Variants in TBC1D22A observed in about 807,000 individuals in gnomAD.
TBC1D22A encodes the protein putative GTPase activator.
A neutral mutation model predicts 60.2 loss-of-function variants in TBC1D22A; 38 were observed. The ratio of observed to expected loss-of-function variants is 0.63; its 90% CI spans 0.49 to 0.83. The LOEUF (loss-of-function observed/expected upper bound fraction) is 0.83, where lower values mean the gene tolerates loss of function less well. TBC1D22A is among the 40% of genes least tolerant of loss of function. The pLI, the probability that TBC1D22A is intolerant of heterozygous loss-of-function variation, is 0.00. For missense variants in TBC1D22A, 628 were observed against 701.0 expected (o/e 0.90, Z 1.18); for synonymous variants, 302 against 281.7 (o/e 1.07, Z -0.72).
At position 47,110,309 on chromosome 22, in the gene TBC1D22A, G is replaced by A. The variant is rs534459715; in HGVS notation, c.1330-1199G>A. ...AGCCTGGCCAACATGGTGAAACCCC[G>A]TCTCTACTAAAAATACAAAATTAGC... is the stretch of plus-strand genomic sequence containing the variant. On this transcript the variant is annotated intron_variant, in intron 11 of 12. Transcript: ENST00000337137. Among the ~76,000 whole-genome samples the A allele has an allele frequency of 2.4e-4, 37 of 152,082 alleles. No individual in the cohort carries two copies. The East Asian group carries it at 7.0e-3, about 29-fold the overall frequency.
intron 11 of TBC1D22A, among the ~76,000 whole-genome samples, chr22:47,094,730 A>G (rs2147636136): frequency 6.6e-6 from 1 of 152,292 alleles, no homozygotes; most frequent in Non-Finnish European, 1.5e-5. Context: ...ATGGCTTTAA[A>G]AGGCTTATTT....
intron 5 of TBC1D22A, among the ~76,000 whole-genome samples, chr22:46,882,039 G>A (rs979413537): frequency 3.3e-5 from 5 of 152,196 alleles, no homozygotes; most frequent in African/African-American, 1.2e-4. Flanking sequence ...TGGGTACTGG[G>A]AACTCAGCAG....
intron 11 of TBC1D22A, among the ~76,000 whole-genome samples, chr22:47,082,681 A>G (rs2037009455): frequency 6.6e-6 from 1 of 152,252 alleles, no homozygotes; most frequent in Non-Finnish European, 1.5e-5. Context: ...CAAACAAGGT[A>G]CTACTACACG....
chr22:47,137,097 G>A (rs896500314), intron 12 of TBC1D22A, among the ~76,000 whole-genome samples: 13 of 152,158 alleles, frequency 8.5e-5, no homozygotes, highest in Middle Eastern at 3.2e-3. Context: ...TCTTCGTGCC[G>A]TCTCGTGATC....
rs1238037529 is a variant in TBC1D22A at position 47,175,231 on chromosome 22, G to C, written c.*1605G>C. 2.0e-5 allele frequency: 3 copies of C among 152,354 alleles called. No homozygotes were observed. The highest frequency in any genetic ancestry group is 1.3e-4 in the Admixed American group (2 of 15,284). The allele number at this position is 152,354 out of a possible 1,614,324, so 9.4% of individuals were successfully genotyped here. A position where few individuals can be genotyped will look rare whatever the true frequency, so the allele number is the denominator to read the frequency against. On this transcript the variant is annotated 3_prime_UTR_variant, in exon 13 of 13. Transcript: ENST00000337137. ...CCCAAACCAGCAAAGGGATGGGCTT[G>C]CTTCACATCAGATGCGGGCACGCCT...
chr22:46,782,833 C>T (rs2083999337), intron 1 of TBC1D22A, among the ~76,000 whole-genome samples: 1 of 152,286 alleles, frequency 6.6e-6, no homozygotes, highest in South Asian at 2.1e-4. Flanking sequence ...AATATTACTC[C>T]ATTGTGTGGT....
At chr22:46,792,137 A>T (rs1390262778) in intron 1 of TBC1D22A, among the ~76,000 whole-genome samples, 1 of 152,224 alleles carries the variant, frequency 6.6e-6, no homozygotes, top group Non-Finnish European at 1.5e-5. Context: ...GGCAGGTGAG[A>T]ATTCCCAGGT....
At chr22:47,001,469 A>G (rs1372850962) in intron 10 of TBC1D22A, among the ~76,000 whole-genome samples, 2 of 151,328 alleles carry the variant, frequency 1.3e-5, no homozygotes, top group Non-Finnish European at 3.0e-5. Context: ...AAAAAAAAAA[A>G]AGTTGGGTGA....
chr22:46,873,292 C>G (rs1602253034), intron 4 of TBC1D22A, among the ~76,000 whole-genome samples: 1 of 152,146 alleles, frequency 6.6e-6, no homozygotes, highest in South Asian at 2.1e-4. Context: ...AAAATCTCTT[C>G]AATGCTCAAC....
chr22:47,171,415 G>A (rs545260859), intron 12 of TBC1D22A, among the ~76,000 whole-genome samples: 5 of 152,252 alleles, frequency 3.3e-5, no homozygotes, highest in African/African-American at 7.2e-5. Flanking sequence ...AGGAGAAGCC[G>A]GGGAGCCTGC....
intron 11 of TBC1D22A, among the ~76,000 whole-genome samples, chr22:47,104,214 G>A (rs1184305139): frequency 6.6e-6 from 1 of 152,166 alleles, no homozygotes; most frequent in South Asian, 2.1e-4. Context: ...GCTGAGGCAG[G>A]AGAATTGCTT....
chr22:46,944,652 C>G (rs1340228872), intron 8 of TBC1D22A, among the ~76,000 whole-genome samples: 1 of 152,202 alleles, frequency 6.6e-6, no homozygotes, highest in Non-Finnish European at 1.5e-5. Flanking sequence ...CCCACCTTGG[C>G]CTCCCAAAGT....
chr22:46,806,951 A>G (rs2146999822), intron 4 of TBC1D22A, among the ~76,000 whole-genome samples: 1 of 152,398 alleles, frequency 6.6e-6, no homozygotes, highest in East Asian at 1.9e-4. Context: ...AAATGTGTGC[A>G]GAGCCAATAG....
intron 4 of TBC1D22A, among the ~76,000 whole-genome samples, chr22:46,809,484 T>C (rs940692259): frequency 2.0e-5 from 3 of 152,214 alleles, no homozygotes; most frequent in Non-Finnish European, 2.9e-5. Context: ...AGTTAGCATA[T>C]CTTTTTCAAC....
rs370805092 is a variant in TBC1D22A at position 46,878,107 on chromosome 22, A to T, written c.638-546A>T. Among the ~76,000 whole-genome samples the T allele has an allele frequency of 8.8e-4, 134 of 152,220 alleles. 1 individual carries two copies. Among genetic ancestry groups the T allele is most frequent in the African/African-American group, 3.0e-3 (125 of 41,524 alleles). On this transcript the variant is annotated intron_variant, in intron 4 of 12. Coordinates refer to ENST00000337137, the MANE Select transcript of TBC1D22A (RefSeq NM_014346.5). ...TGTTGTCTGTGTAGAATATGGCCAC[A>T]TCCTTAATTAATGGTGTATAAAGAC...
intron 4 of TBC1D22A, among the ~76,000 whole-genome samples, chr22:46,873,895 C>G (rs912895028): frequency 2.0e-5 from 3 of 152,046 alleles, no homozygotes; most frequent in Admixed American, 2.0e-4. Flanking sequence ...CTCCCGGGTT[C>G]ACACCATTCT....
chr22:46,907,622 A>G (rs2069585768), intron 7 of TBC1D22A, among the ~76,000 whole-genome samples: 1 of 152,060 alleles, frequency 6.6e-6, no homozygotes, highest in Non-Finnish European at 1.5e-5. Flanking sequence ...CCTCGCCTCC[A>G]CCATCTGCGC....
chr22:46,941,919 A>ATATG (rs1218192730), intron 8 of TBC1D22A, among the ~76,000 whole-genome samples: 1 of 92,218 alleles, frequency 1.1e-5, no homozygotes, highest in Admixed American at 1.1e-4. Context: ...ATGTATATGT[A>ATATG]TATGTATGTA....
intron 12 of TBC1D22A, among the ~76,000 whole-genome samples, chr22:47,152,895 G>A (rs5767541): frequency 0.56 from 85,545 of 151,758 alleles, 24,657 homozygotes; most frequent in East Asian, 0.77. Flanking sequence ...CCCTGAGAGC[G>A]TTAGCTGTGG....
Sources: gnomAD v4.1 joint callset for allele counts (sites outside exome capture counted in the v4.1 genomes callset) on GRCh38, gnomAD v4.1.1 for gene constraint, MANE v1.5 for transcripts, NCBI Gene and HGNC (gene_info 2026-07-23, HGNC 2026-07-21) for gene names.